TLK1: variants seen among roughly 807,000 people sequenced by gnomAD.
The protein encoded by TLK1 is serine/threonine-protein kinase tousled-like 1.
TLK1 carries 24 observed loss-of-function variants against 105.3 expected under a neutral mutation model. The ratio of observed to expected loss-of-function variants is 0.23; its 90% CI spans 0.17 to 0.32. The LOEUF is 0.32. TLK1 is among the 10% of genes least tolerant of loss of function. TLK1 has a pLI of 1.00. For synonymous variants in TLK1, 321 were observed against 310.4 expected, an observed-to-expected ratio of 1.03 and a Z score of -0.36; for missense variants, 558 against 910.5, an observed-to-expected ratio of 0.61 and a Z score of 4.98.
In TLK1 at chr2:171,160,186, G is replaced by C; in HGVS notation, c.139+104C>G. On this transcript the variant is annotated intron_variant, in intron 1 of 20. Coordinates refer to ENST00000431350, the MANE Select transcript of TLK1 (RefSeq NM_012290.5). This position sits in a 1 kb window ranked among gnomAD's most constrained non-coding sequence, Gnocchi z 4.4. Reference sequence around the variant, plus strand: ...CCTCGCCACCATCCCCCACCCCAGGGTCTGGCGGAGAAGCCCCGGGGCGGG... The same window carrying C: ...CCTCGCCACCATCCCCCACCCCAGGCTCTGGCGGAGAAGCCCCGGGGCGGG... 1 of 1,224,184 alleles carries C rather than the reference G, an allele frequency of 8.2e-7. No homozygotes were observed. Among genetic ancestry groups the C allele is most frequent in the Non-Finnish European group, 1.0e-6 (1 of 967,782 alleles). The allele number at this position is 1,224,184 out of a possible 1,614,324, so 75.8% of individuals were successfully genotyped here.
chr2:171,009,772 A>G (rs1047644069), intron 14 of TLK1, among the ~76,000 whole-genome samples: 2 of 152,238 alleles, frequency 1.3e-5, no homozygotes, highest in Admixed American at 1.3e-4. Context: ...GCCCAAATTA[A>G]TAAAATTAGT....
rs555676940 is a variant in TLK1, at chr2:170,992,368, G to C, written c.*1412C>G. The C allele has an allele frequency of 6.6e-6, 1 of 152,536 alleles. No individual in the cohort carries two copies. The highest frequency in any genetic ancestry group is 1.9e-4 in the East Asian group (1 of 5,186). The allele number at this position is 152,536 out of a possible 1,614,324, so 9.4% of individuals were successfully genotyped here. Reference sequence around the variant, plus strand: ...TGCAACATGAACAACTTACATGTAAGTATCAGCATTATGAATGTGACAATA... The same window carrying C: ...TGCAACATGAACAACTTACATGTAACTATCAGCATTATGAATGTGACAATA... On this transcript the variant is annotated 3_prime_UTR_variant, in exon 21 of 21. Coordinates refer to ENST00000431350, the MANE Select transcript of TLK1 (RefSeq NM_012290.5).
At chr2:171,072,817 T>TACTC (rs1224695317) in intron 3 of TLK1, among the ~76,000 whole-genome samples, 1 of 150,938 alleles carries the variant, frequency 6.6e-6, no homozygotes, top group African/African-American at 2.4e-5. Context: ...TAATCCCAGC[T>TACTC]ACTCAGAAGG....
intron 12 of TLK1, among the ~76,000 whole-genome samples, chr2:171,019,891 C>G (rs1224498289): frequency 6.6e-6 from 1 of 151,790 alleles, no homozygotes; most frequent in Non-Finnish European, 1.5e-5. Flanking sequence ...AATCCTTTAT[C>G]TACTAAAAAT....
At chr2:171,112,585 G>A (rs1223881609) in intron 2 of TLK1, among the ~76,000 whole-genome samples, 5 of 152,016 alleles carry the variant, frequency 3.3e-5, no homozygotes, top group Admixed American at 6.6e-5. Context: ...CAGCATTCAA[G>A]GTCATGACCA....
At chr2:171,225,690 T>G (rs1693885071) in intron 1 of TLK1, among the ~76,000 whole-genome samples, 1 of 152,208 alleles carries the variant, frequency 6.6e-6, no homozygotes, top group Non-Finnish European at 1.5e-5. Context: ...GAATGGATGT[T>G]CATACATTAT....
chr2:171,049,752 C>A lies in TLK1; in HGVS notation c.980+62G>T, dbSNP rs942950885. On this transcript the variant is annotated intron_variant, in intron 10 of 20. Transcript: ENST00000431350. ...GAGAGCATAATTACAAATCTATAAT[C>A]TTTTAAAGTAATGAAAACCCAAACG... The A allele has an allele frequency of 1.1e-5, 17 of 1,592,088 alleles. No homozygotes were observed. The Admixed American group carries it at 2.1e-4, about 19-fold the overall frequency.
At position 171,160,608 on chromosome 2, in the gene TLK1, G is replaced by A. The variant is rs1692448865; in HGVS notation, c.-180C>T. 7 of 973,350 alleles carry A rather than the reference G, an allele frequency of 7.2e-6. No homozygotes were observed. In the South Asian group the frequency reaches 1.1e-4, roughly 15 times the overall value. 60.3% of individuals were successfully genotyped at this position (973,350 alleles called of 1,614,324 possible). On this transcript the variant is annotated 5_prime_UTR_variant, in exon 1 of 21. Coordinates refer to ENST00000431350, the MANE Select transcript of TLK1 (RefSeq NM_012290.5). The surrounding 1 kb of genome is among the most constrained non-coding windows in gnomAD (Gnocchi z 4.4). ...GAAGAGGGGAGGTGGGGAGGAAAGA[G>A]GTGAGGGAAGGAGAGGGGACAGGGA...
At chr2:171,087,793 A>T (rs977696175) in intron 2 of TLK1, among the ~76,000 whole-genome samples, 1 of 152,248 alleles carries the variant, frequency 6.6e-6, no homozygotes, top group African/African-American at 2.4e-5. Flanking sequence ...CTGGAGGCCA[A>T]CTTCACTCTG....
At chr2:171,172,930 C>T (rs1220249321) in intron 1 of TLK1, among the ~76,000 whole-genome samples, 1 of 152,164 alleles carries the variant, frequency 6.6e-6, no homozygotes, top group East Asian at 1.9e-4. Flanking sequence ...CTGGTACAAA[C>T]ATTTTGGAAA....
intron 1 of TLK1, among the ~76,000 whole-genome samples, chr2:171,120,853 A>T (rs1690624463): frequency 6.6e-6 from 1 of 152,262 alleles, no homozygotes; most frequent in Admixed American, 6.5e-5. Flanking sequence ...ACACATTTAC[A>T]GCAGCATTAT....
intron 3 of TLK1, among the ~76,000 whole-genome samples, chr2:171,062,156 A>G (rs544574157): frequency 1.3e-5 from 2 of 152,364 alleles, no homozygotes; most frequent in Admixed American, 6.5e-5. Context: ...ATTAAAACCA[A>G]GAGCAAAAGC....
intron 1 of TLK1, among the ~76,000 whole-genome samples, chr2:171,185,737 C>A (rs182852022): frequency 6.7e-4 from 102 of 152,308 alleles, no homozygotes; most frequent in Admixed American, 2.6e-3. Context: ...TTCTAGCATA[C>A]GCTTTTACAT....
In TLK1 at chr2:171,127,208, C is replaced by T. The variant is rs184805762; in HGVS notation, c.140-9351G>A. Among the ~76,000 whole-genome samples the T allele has an allele frequency of 7.0e-4, 103 of 147,926 alleles. 1 individual carries two copies. The East Asian group carries it at 0.02, about 28-fold the overall frequency. On this transcript the variant is annotated intron_variant, in intron 1 of 20. Coordinates refer to ENST00000431350, the MANE Select transcript of TLK1 (RefSeq NM_012290.5). ...ACGAGAATCACTTGAACCCGGGAGG[C>T]GGAGGTTGCAGTGAGCTGAGATCAT...
chr2:170,999,723 G>T (rs374352241), intron 18 of TLK1, among the ~76,000 whole-genome samples: 33 of 152,272 alleles, frequency 2.2e-4, no homozygotes, highest in African/African-American at 7.5e-4. Flanking sequence ...GGGGTTGGAG[G>T]CACTGACCCA....
intron 11 of TLK1, among the ~76,000 whole-genome samples, chr2:171,040,472 C>T (rs867630151): frequency 3.3e-5 from 5 of 151,976 alleles, no homozygotes; most frequent in Non-Finnish European, 5.9e-5. Context: ...TTCTGCTGTA[C>T]TACTGCCCTC....
chr2:171,213,478 C>T (rs1693657269), intron 1 of TLK1, among the ~76,000 whole-genome samples: 1 of 151,680 alleles, frequency 6.6e-6, no homozygotes, highest in Admixed American at 6.6e-5. Context: ...GCCAGGATTA[C>T]AGCTATGAGC....
At chr2:171,100,713 C>A (rs1168550422) in intron 2 of TLK1, among the ~76,000 whole-genome samples, 1 of 152,152 alleles carries the variant, frequency 6.6e-6, no homozygotes, top group East Asian at 1.9e-4. Flanking sequence ...AACTCTCATG[C>A]ATTGCTGGTA....
intron 2 of TLK1, among the ~76,000 whole-genome samples, chr2:171,093,997 C>T (rs1689349235): frequency 1.3e-5 from 2 of 152,142 alleles, no homozygotes; most frequent in Admixed American, 6.5e-5. Context: ...AGAATGGATG[C>T]TGTGGCAAGA....
Sources: allele counts gnomAD v4.1 joint callset (sites outside exome capture counted in the v4.1 genomes callset), GRCh38; gene constraint gnomAD v4.1.1; non-coding constraint Gnocchi (gnomAD v3.1); transcripts MANE v1.5; gene names NCBI Gene and HGNC (gene_info 2026-07-23, HGNC 2026-07-21).